Variants in GALNTL6 observed in about 807,000 individuals in gnomAD.
GALNTL6 encodes polypeptide N-acetylgalactosaminyltransferase like 6, also known as polypeptide N-acetylgalactosaminyltransferase-like 6.
GALNTL6 carries 46 observed loss-of-function variants against 73.7 expected under a neutral mutation model. The ratio of observed to expected loss-of-function variants is 0.62; its 90% CI spans 0.49 to 0.80. The LOEUF (loss-of-function observed/expected upper bound fraction) is 0.80. GALNTL6 is among the 30% of genes least tolerant of loss of function. The pLI is 0.00. For synonymous variants in GALNTL6, 259 were observed against 263.7 expected (o/e 0.98, Z 0.17); for missense variants, 604 against 755.0 (o/e 0.80, Z 2.34).
intron 2 of GALNTL6, among the ~76,000 whole-genome samples, chr4:172,159,069 GA>G (rs1161148463): frequency 1.3e-5 from 2 of 152,256 alleles, no homozygotes; most frequent in East Asian, 3.9e-4. Flanking sequence ...ACCATTTGTT[GA>G]GTACCTATCA....
At chr4:172,540,051 C>CTTTTTTTTTT (rs70944413) in intron 5 of GALNTL6, among the ~76,000 whole-genome samples, 2 of 129,210 alleles carry the variant, frequency 1.5e-5, no homozygotes, top group Non-Finnish European at 3.3e-5. Flanking sequence ...TTCTTTCTTT[C>CTTTTTTTTTT]TTTTTTTTTT....
chr4:171,955,880 T>C (rs1739030118), intron 2 of GALNTL6, among the ~76,000 whole-genome samples: 1 of 152,172 alleles, frequency 6.6e-6, no homozygotes, highest in South Asian at 2.1e-4. Flanking sequence ...ACATTGAAGC[T>C]TTTCCTTATG....
chr4:172,137,460 A>G (rs1733668954), intron 2 of GALNTL6, among the ~76,000 whole-genome samples: 1 of 152,212 alleles, frequency 6.6e-6, no homozygotes, highest in Non-Finnish European at 1.5e-5. Flanking sequence ...TAACAGATAA[A>G]TTGACTGAAA....
chr4:171,918,287 A>G (rs569866566), intron 2 of GALNTL6, among the ~76,000 whole-genome samples: 1 of 152,248 alleles, frequency 6.6e-6, no homozygotes, highest in African/African-American at 2.4e-5. Flanking sequence ...TCTGACATGT[A>G]CTCTGACTTT....
At chr4:172,698,796 C>A (rs1369457546) in intron 5 of GALNTL6, among the ~76,000 whole-genome samples, 1 of 152,176 alleles carries the variant, frequency 6.6e-6, no homozygotes, top group Non-Finnish European at 1.5e-5. Context: ...GGACAACTCA[C>A]TCCAAAGCAA....
At chr4:172,926,117 T>C (rs925486760) in intron 8 of GALNTL6, among the ~76,000 whole-genome samples, 2 of 152,166 alleles carry the variant, frequency 1.3e-5, no homozygotes, top group South Asian at 4.1e-4. Flanking sequence ...GCCAGCATTG[T>C]TGGGTTCTGG....
chr4:172,643,235 A>G (rs1285543500), intron 5 of GALNTL6, among the ~76,000 whole-genome samples: 1 of 151,980 alleles, frequency 6.6e-6, no homozygotes, highest in African/African-American at 2.4e-5. Context: ...GCAAATGAAG[A>G]TAAAATACCT....
At chr4:172,769,479 T>C (rs1222863417) in intron 5 of GALNTL6, among the ~76,000 whole-genome samples, 2 of 152,058 alleles carry the variant, frequency 1.3e-5, no homozygotes, top group Admixed American at 1.3e-4. Context: ...TTGAACCATT[T>C]CAGAAAGAAA....
intron 5 of GALNTL6, among the ~76,000 whole-genome samples, chr4:172,605,894 A>G (rs1738238110): frequency 6.6e-6 from 1 of 152,130 alleles, no homozygotes; most frequent in Admixed American, 6.5e-5. Flanking sequence ...CAAATAGGAT[A>G]CCATCTCACA....
rs1270650849 is a variant in GALNTL6, at chr4:172,138,486, TATATATATATATATATATATATATATA to T, written c.139-91169_139-91143del. 1.5e-3 allele frequency among the ~76,000 whole-genome samples: 8 copies of T among 5,508 alleles called. 1 individual carries two copies. The East Asian group carries it at 0.02, about 13-fold the overall frequency. 3.6% of individuals were successfully genotyped at this position (5,508 alleles called of 152,430 possible). A position where few individuals can be genotyped will look rare whatever the true frequency, so the allele number is the denominator to read the frequency against. ...AATTTACTTGGACTGCCTATATATATATATATATATATATATATATATATATATTTTTTTTTTTTTTTTTTTTTTTTT... is the reference window on the plus strand; with the variant it reads ...AATTTACTTGGACTGCCTATATATATTTTTTTTTTTTTTTTTTTTTTTTTT... On this transcript the variant is annotated intron_variant, in intron 2 of 12. Transcript: ENST00000506823.
chr4:173,018,641 C>A (rs1752874116), intron 11 of GALNTL6, among the ~76,000 whole-genome samples: 1 of 152,186 alleles, frequency 6.6e-6, no homozygotes, highest in African/African-American at 2.4e-5. Context: ...CTGAATCTTA[C>A]ATGACAGATG....
At chr4:172,009,538 T>C (rs984939423) in intron 2 of GALNTL6, among the ~76,000 whole-genome samples, 4 of 152,120 alleles carry the variant, frequency 2.6e-5, no homozygotes, top group Non-Finnish European at 5.9e-5. Flanking sequence ...TGCTTCTCAT[T>C]TACTTAACAA....
intron 5 of GALNTL6, among the ~76,000 whole-genome samples, chr4:172,420,783 G>C (rs557763691): frequency 6.6e-6 from 1 of 152,196 alleles, no homozygotes; most frequent in South Asian, 2.1e-4. Context: ...ATCAATGATA[G>C]ACTAGATAAA....
intron 5 of GALNTL6, among the ~76,000 whole-genome samples, chr4:172,481,107 A>C (rs1733446845): frequency 6.6e-6 from 1 of 151,950 alleles, no homozygotes; most frequent in Non-Finnish European, 1.5e-5. Context: ...GTTACTTCTG[A>C]TGTTTGGACG....
intron 5 of GALNTL6, among the ~76,000 whole-genome samples, chr4:172,805,116 G>C (rs1233900288): frequency 6.6e-6 from 1 of 152,138 alleles, no homozygotes; most frequent in Non-Finnish European, 1.5e-5. Context: ...TCATCTTATA[G>C]CTGAGGAAAA....
intron 2 of GALNTL6, among the ~76,000 whole-genome samples, chr4:172,015,268 C>A (rs1587931): frequency 1 from 152,186 of 152,188 alleles, 76,092 homozygotes; most frequent in Non-Finnish European, 1. Flanking sequence ...TAGGATTGTG[C>A]CATTTTTCTG....
At chr4:172,017,917 G>A (rs1316865070) in intron 2 of GALNTL6, among the ~76,000 whole-genome samples, 1 of 152,084 alleles carries the variant, frequency 6.6e-6, no homozygotes, top group African/African-American at 2.4e-5. Context: ...TTGCAGGGGA[G>A]TGATGTAGAC....
In GALNTL6 at chr4:172,815,374, G is replaced by A. The variant is rs1290276594; in HGVS notation, c.923+1651G>A. Among the ~76,000 whole-genome samples the A allele has an allele frequency of 2.0e-5, 3 of 152,268 alleles. No homozygotes were observed. The East Asian group carries it at 5.8e-4, about 29-fold the overall frequency. On this transcript the variant is annotated intron_variant, in intron 7 of 12. Coordinates refer to ENST00000506823, the MANE Select transcript of GALNTL6 (RefSeq NM_001034845.3). ...AGGAGTACAAAAGGGCCTTAACCGT[G>A]GTAGAACTGTTATTAGGTGCTGGCC... is the stretch of plus-strand genomic sequence containing the variant.
chr4:171,896,811 TG>T (rs1736930981), intron 2 of GALNTL6, among the ~76,000 whole-genome samples: 1 of 152,164 alleles, frequency 6.6e-6, no homozygotes, highest in African/African-American at 2.4e-5. Context: ...AAATTAAGTA[TG>T]TAGACTGTAA....
Sources: allele counts gnomAD v4.1 joint callset (sites outside exome capture counted in the v4.1 genomes callset), GRCh38; gene constraint gnomAD v4.1.1; transcripts MANE v1.5; gene names NCBI Gene and HGNC (gene_info 2026-07-23, HGNC 2026-07-21).